NRG3: variants seen among roughly 807,000 people sequenced by gnomAD.
NRG3 encodes neuregulin 3, also known as pro-neuregulin-3, membrane-bound isoform.
Under a neutral mutation model 66.9 loss-of-function variants are expected in NRG3, and 31 were observed. That is an observed-to-expected ratio of 0.46 (90% CI 0.35 to 0.63). NRG3 has a LOEUF of 0.63. Ranked by LOEUF, NRG3 falls within the 20% of genes least tolerant of loss-of-function variation. The pLI is 0.00. For missense variants in NRG3, 910 were observed against 878.9 expected (o/e 1.04, Z -0.45); for synonymous variants, 393 against 359.4 (o/e 1.09, Z -1.06).
chr10:82,055,581 G>A (rs1357867815), intron 1 of NRG3, among the ~76,000 whole-genome samples: 1 of 151,882 alleles, frequency 6.6e-6, no homozygotes, highest in Non-Finnish European at 1.5e-5. Context: ...GCAAATTGGT[G>A]GTAATTATTT....
chr10:82,832,985 T>C (rs2062603781), intron 3 of NRG3, among the ~76,000 whole-genome samples: 1 of 152,116 alleles, frequency 6.6e-6, no homozygotes, highest in African/African-American at 2.4e-5. Context: ...TTTTCTCCCT[T>C]TCCTGGCCTT....
intron 2 of NRG3, among the ~76,000 whole-genome samples, chr10:82,623,473 G>T (rs147462539): frequency 8.4e-4 from 128 of 152,188 alleles, no homozygotes; most frequent in African/African-American, 2.8e-3. Flanking sequence ...ATTTTTACTT[G>T]CTTCTCATTT....
chr10:82,472,888 A>G (rs1054923389), intron 2 of NRG3, among the ~76,000 whole-genome samples: 1 of 152,214 alleles, frequency 6.6e-6, no homozygotes, highest in African/African-American at 2.4e-5. Flanking sequence ...CAAGCCAACA[A>G]TAGGCACAAT....
At chr10:82,443,367 T>A (rs947441449) in intron 2 of NRG3, among the ~76,000 whole-genome samples, 1 of 150,888 alleles carries the variant, frequency 6.6e-6, no homozygotes, top group African/African-American at 2.5e-5. Flanking sequence ...GTAAAAAAAA[T>A]AAAAAATAAT....
At chr10:82,476,146 C>T (rs1039131588) in intron 2 of NRG3, among the ~76,000 whole-genome samples, 4 of 152,116 alleles carry the variant, frequency 2.6e-5, no homozygotes, top group African/African-American at 9.7e-5. Context: ...TAGTCCCTCA[C>T]AGTCATGAGG....
At chr10:82,587,173 G>A (rs2046724875) in intron 2 of NRG3, among the ~76,000 whole-genome samples, 1 of 152,080 alleles carries the variant, frequency 6.6e-6, no homozygotes, top group African/African-American at 2.4e-5. Flanking sequence ...TATTACAAAA[G>A]TTGAATGCAG....
intron 1 of NRG3, among the ~76,000 whole-genome samples, chr10:82,309,258 A>G (rs751407897): frequency 6.6e-6 from 1 of 152,194 alleles, no homozygotes; most frequent in Non-Finnish European, 1.5e-5. Flanking sequence ...GGTTTTATAC[A>G]AATTGTTATG....
intron 1 of NRG3, among the ~76,000 whole-genome samples, chr10:81,904,734 T>A (rs1202010119): frequency 1.3e-5 from 2 of 152,154 alleles, no homozygotes; most frequent in Non-Finnish European, 2.9e-5. Flanking sequence ...AGCATTCTGG[T>A]TGTTCTCCTT....
At chr10:82,679,972 C>T (rs1258059199) in intron 2 of NRG3, among the ~76,000 whole-genome samples, 1 of 151,998 alleles carries the variant, frequency 6.6e-6, no homozygotes, top group African/African-American at 2.4e-5. Flanking sequence ...TTGATATGAT[C>T]ATATAGTATA....
intron 3 of NRG3, among the ~76,000 whole-genome samples, chr10:82,796,757 C>T (rs1024138745): frequency 6.6e-6 from 1 of 151,760 alleles, no homozygotes; most frequent in Non-Finnish European, 1.5e-5. Context: ...TACAAAGAAA[C>T]TCCAAAGAAG....
rs138985092 is a variant in NRG3, at chr10:82,204,788, G to A, written c.824-153951G>A. Among the ~76,000 whole-genome samples, 25 of 152,260 alleles carry A rather than the reference G, an allele frequency of 1.6e-4. No homozygotes were observed. The East Asian group carries it at 4.8e-3, about 29-fold the overall frequency. On this transcript the variant is annotated intron_variant, in intron 1 of 8. Coordinates refer to ENST00000372141, the MANE Select transcript of NRG3 (RefSeq NM_001010848.4). ...ATGCTGTCTACTTGAACTTTGACAT[G>A]TATTCTCAAAACAGTGAAGTGGCTA...
chr10:82,405,082 A>G (rs1308955164), intron 2 of NRG3, among the ~76,000 whole-genome samples: 1 of 152,174 alleles, frequency 6.6e-6, no homozygotes, highest in South Asian at 2.1e-4. Flanking sequence ...GGAGTGCTCC[A>G]AAGGAAATTG....
intron 3 of NRG3, among the ~76,000 whole-genome samples, chr10:82,762,781 T>G (rs1376277722): frequency 6.6e-6 from 1 of 152,228 alleles, no homozygotes; most frequent in East Asian, 1.9e-4. Context: ...AACTAGCTTT[T>G]TGTTTAGTCA....
At chr10:82,050,773 C>T (rs548294527) in intron 1 of NRG3, among the ~76,000 whole-genome samples, 2 of 151,878 alleles carry the variant, frequency 1.3e-5, no homozygotes, top group African/African-American at 2.4e-5. Context: ...CCATCTCTAC[C>T]CCTTGCTTCC....
chr10:82,152,147 A>C (rs1038529428), intron 1 of NRG3, among the ~76,000 whole-genome samples: 1 of 152,184 alleles, frequency 6.6e-6, no homozygotes, highest in African/African-American at 2.4e-5. Context: ...GAAAGCAGCC[A>C]CAGACATATG....
intron 2 of NRG3, among the ~76,000 whole-genome samples, chr10:82,664,141 T>C (rs1167793229): frequency 2.6e-5 from 4 of 152,202 alleles, no homozygotes; most frequent in Non-Finnish European, 5.9e-5. Flanking sequence ...GGAATTTGTA[T>C]GTCCATAATA....
intron 1 of NRG3, among the ~76,000 whole-genome samples, chr10:81,922,325 G>T (rs1846332393): frequency 6.6e-6 from 1 of 151,998 alleles, no homozygotes; most frequent in African/African-American, 2.4e-5. Context: ...TAGATATTTT[G>T]CTCAGTAGTA....
At chr10:82,931,341 G>C (rs1383846694) in intron 4 of NRG3, among the ~76,000 whole-genome samples, 1 of 152,142 alleles carries the variant, frequency 6.6e-6, no homozygotes, top group African/African-American at 2.4e-5. Flanking sequence ...TGTTAATGAA[G>C]GAGGTAATGA....
chr10:82,111,201 T>C (rs921811262), intron 1 of NRG3, among the ~76,000 whole-genome samples: 5 of 152,200 alleles, frequency 3.3e-5, no homozygotes, highest in African/African-American at 1.2e-4. Context: ...CCCCAGACTT[T>C]ATTCAGAAAG....
Sources: gnomAD v4.1 joint callset for allele counts (sites outside exome capture counted in the v4.1 genomes callset) on GRCh38, gnomAD v4.1.1 for gene constraint, MANE v1.5 for transcripts, NCBI Gene and HGNC (gene_info 2026-07-23, HGNC 2026-07-21) for gene names.